Variants in NCAM2 observed in about 807,000 individuals in gnomAD.
NCAM2 encodes neural cell adhesion molecule 2.
NCAM2 carries 30 observed loss-of-function variants against 98.1 expected under a neutral mutation model. That is an observed-to-expected ratio of 0.31 (90% CI 0.23 to 0.41). The LOEUF (loss-of-function observed/expected upper bound fraction) is 0.41, where lower values mean the gene tolerates loss of function less well. Among genes scored for constraint, NCAM2 ranks in the 10% least tolerant of loss-of-function variants. The pLI, the probability that NCAM2 is intolerant of heterozygous loss-of-function variation, is 1.00. For missense variants in NCAM2, 867 were observed against 1,005.8 expected (o/e 0.86, Z 1.87); for synonymous variants, 368 against 342.4 (o/e 1.07, Z -0.83).
At chr21:21,465,156 G>A (rs1461367524) in intron 12 of NCAM2, among the ~76,000 whole-genome samples, 2 of 152,036 alleles carry the variant, frequency 1.3e-5, no homozygotes, top group African/African-American at 2.4e-5. Context: ...TGATATGTGT[G>A]TTGTGGCTAT....
chr21:21,201,266 T>C (rs1293754856), intron 1 of NCAM2, among the ~76,000 whole-genome samples: 1 of 152,194 alleles, frequency 6.6e-6, no homozygotes, highest in Non-Finnish European at 1.5e-5. Flanking sequence ...TGAGCTGATA[T>C]GAAATAGTTT....
chr21:21,399,845 C>T (rs913614079), intron 9 of NCAM2, among the ~76,000 whole-genome samples: 2 of 152,068 alleles, frequency 1.3e-5, no homozygotes, highest in African/African-American at 4.8e-5. Context: ...TTACCAACCA[C>T]AAATAAACTA....
At chr21:21,069,485 T>A (rs184196424) in intron 1 of NCAM2, among the ~76,000 whole-genome samples, 6 of 152,274 alleles carry the variant, frequency 3.9e-5, no homozygotes, top group African/African-American at 1.4e-4. Flanking sequence ...AAATGTTTTC[T>A]GTCATAGACT....
chr21:21,400,075 T>G (rs2145867828), intron 9 of NCAM2, among the ~76,000 whole-genome samples: 1 of 152,232 alleles, frequency 6.6e-6, no homozygotes, highest in African/African-American at 2.4e-5. Context: ...TCCAAAGACA[T>G]GCTTTAAATT....
intron 11 of NCAM2, among the ~76,000 whole-genome samples, chr21:21,422,555 T>G (rs1365740911): frequency 6.6e-6 from 1 of 152,212 alleles, no homozygotes; most frequent in Non-Finnish European, 1.5e-5. Context: ...TTCCTATTAA[T>G]GAGCAGGAGT....
intron 1 of NCAM2, among the ~76,000 whole-genome samples, chr21:21,175,441 G>A (rs2068252017): frequency 2.0e-5 from 3 of 152,152 alleles, no homozygotes; most frequent in Admixed American, 2.0e-4. Context: ...GCTGAGGCAG[G>A]ACAATCACTT....
At chr21:21,423,034 T>C (rs2077143010) in intron 11 of NCAM2, among the ~76,000 whole-genome samples, 1 of 152,198 alleles carries the variant, frequency 6.6e-6, no homozygotes, top group Admixed American at 6.5e-5. Context: ...TATTATCAAG[T>C]AATTTCATTT....
chr21:21,355,627 A>C (rs2075456480), intron 8 of NCAM2, among the ~76,000 whole-genome samples: 1 of 151,074 alleles, frequency 6.6e-6, no homozygotes, highest in Admixed American at 6.6e-5. Context: ...TATTATTATT[A>C]TTATTTAAGG....
At chr21:21,368,704 A>C (rs1166588956) in intron 8 of NCAM2, among the ~76,000 whole-genome samples, 1 of 151,794 alleles carries the variant, frequency 6.6e-6, no homozygotes, top group Non-Finnish European at 1.5e-5. Flanking sequence ...CTTTACCATC[A>C]TGATCTAATC....
At chr21:21,115,942 C>T (rs189486878) in intron 1 of NCAM2, among the ~76,000 whole-genome samples, 231 of 139,842 alleles carry the variant, frequency 1.7e-3, no homozygotes, top group African/African-American at 6.0e-3. Context: ...GCTTCAGGTC[C>T]GCTTCTCTGA....
chr21:21,318,522 T>A, intron 5 of NCAM2, among the ~76,000 whole-genome samples: 1 of 152,302 alleles, frequency 6.6e-6, no homozygotes, highest in East Asian at 1.9e-4. Flanking sequence ...AAAAATCTAT[T>A]AACATTTTTA....
intron 9 of NCAM2, among the ~76,000 whole-genome samples, chr21:21,388,542 C>T (rs1354831529): frequency 1.3e-5 from 2 of 152,126 alleles, no homozygotes; most frequent in African/African-American, 4.8e-5. Flanking sequence ...AACAAGCTGC[C>T]AGATGTTATA....
At chr21:21,008,906 G>A (rs8134609) in intron 1 of NCAM2, among the ~76,000 whole-genome samples, 86,988 of 151,938 alleles carry the variant, frequency 0.57, 25,478 homozygotes, top group East Asian at 0.81. Flanking sequence ...ACAAATATTC[G>A]TTAATTTGTA....
intron 1 of NCAM2, among the ~76,000 whole-genome samples, chr21:21,157,057 T>TC (rs1172034243): frequency 3.9e-5 from 6 of 151,962 alleles, no homozygotes; most frequent in Admixed American, 3.9e-4. Flanking sequence ...ACAGATTTTT[T>TC]TTTCACTTTT....
At chr21:21,296,789 A>G (rs1431543257) in intron 5 of NCAM2, among the ~76,000 whole-genome samples, 1 of 151,780 alleles carries the variant, frequency 6.6e-6, no homozygotes, top group African/African-American at 2.4e-5. Flanking sequence ...TGTGTCACAG[A>G]GGCAAGAGGA....
chr21:21,169,581 T>A (rs2068055498), intron 1 of NCAM2, among the ~76,000 whole-genome samples: 1 of 152,058 alleles, frequency 6.6e-6, no homozygotes, highest in Admixed American at 6.6e-5. Flanking sequence ...AAATAACTCT[T>A]AAAATTCAAC....
At chr21:21,071,885 A>G (rs574634969) in intron 1 of NCAM2, among the ~76,000 whole-genome samples, 1 of 147,156 alleles carries the variant, frequency 6.8e-6, no homozygotes, top group African/African-American at 2.6e-5. Flanking sequence ...CTATCTATCT[A>G]TCTATCTATC....
chr21:21,484,519 G>T (rs1602475529), intron 15 of NCAM2, among the ~76,000 whole-genome samples: 1 of 152,130 alleles, frequency 6.6e-6, no homozygotes, highest in South Asian at 2.1e-4. Flanking sequence ...ATGCTGCTGG[G>T]TTTTCTTTCA....
chr21:21,181,560 G>T (rs1034132771), intron 1 of NCAM2, among the ~76,000 whole-genome samples: 2 of 152,120 alleles, frequency 1.3e-5, no homozygotes, highest in African/African-American at 4.8e-5. Flanking sequence ...ATGTGCCTAT[G>T]ACTGATGGCC....
Sources: allele counts gnomAD v4.1 joint callset (sites outside exome capture counted in the v4.1 genomes callset), GRCh38; gene constraint gnomAD v4.1.1; transcripts MANE v1.5; gene names NCBI Gene and HGNC (gene_info 2026-07-23, HGNC 2026-07-21).